GALNT13: variants seen among roughly 807,000 people sequenced by gnomAD.
GALNT13 encodes the protein UDP-GalNAc:polypeptide N-acetylgalactosaminyltransferase 13.
GALNT13 carries 28 observed loss-of-function variants against 64.2 expected under a neutral mutation model. The ratio of observed to expected loss-of-function variants is 0.44; its 90% CI spans 0.32 to 0.60. The LOEUF is 0.60. Among genes scored for constraint, GALNT13 ranks in the 20% least tolerant of loss-of-function variants. The probability of loss-of-function intolerance (pLI) is 0.05; values close to 1 mark genes in which losing one functional copy is unlikely to be tolerated. For missense variants in GALNT13, 577 were observed against 669.8 expected (o/e 0.86, Z 1.53); for synonymous variants, 214 against 224.6 (o/e 0.95, Z 0.42).
At chr2:153,561,998 G>GTC in the GALNT13 span, among the ~76,000 whole-genome samples, 1 of 145,966 alleles carries the variant, frequency 6.9e-6, no homozygotes, top group African/African-American at 2.6e-5. Context: ...TCACACTTTT[G>GTC]CCCCTTTTCT....
chr2:154,397,224 A>G lies in GALNT13; in HGVS notation c.1296+1094A>G, dbSNP rs62172330. Among the ~76,000 whole-genome samples, 573 of 151,852 alleles carry G rather than the reference A, an allele frequency of 3.8e-3. 2 individuals carry two copies. Among genetic ancestry groups the G allele is most frequent in the Non-Finnish European group, 6.1e-3 (415 of 67,912 alleles). On this transcript the variant is annotated intron_variant, in intron 10 of 12. Transcript: ENST00000392825. Reference sequence around the variant, plus strand: ...GCCAAGGCAGGCGGATCATGAGGCCAGGAGATCGACACCATCCTGGCTAAC... The same window carrying G: ...GCCAAGGCAGGCGGATCATGAGGCCGGGAGATCGACACCATCCTGGCTAAC...
intron 9 of GALNT13, among the ~76,000 whole-genome samples, chr2:154,319,979 CA>C (rs1451586038): frequency 2.0e-5 from 3 of 151,992 alleles, no homozygotes; most frequent in African/African-American, 7.2e-5. Context: ...CATATATATA[CA>C]TATCCCTATA....
the GALNT13 span, among the ~76,000 whole-genome samples, chr2:153,253,220 C>G: frequency 4.7e-5 from 7 of 149,478 alleles, no homozygotes; most frequent in African/African-American, 7.4e-5. Context: ...ATTTTATTCT[C>G]TTTGAAGCAA....
the GALNT13 span, among the ~76,000 whole-genome samples, chr2:153,734,553 A>G: frequency 6.6e-6 from 1 of 152,164 alleles, no homozygotes; most frequent in South Asian, 2.1e-4. Flanking sequence ...ATGCATTTAT[A>G]TTAGATTGGT....
chr2:153,356,796 T>C, the GALNT13 span, among the ~76,000 whole-genome samples: 2 of 131,596 alleles, frequency 1.5e-5, no homozygotes, highest in African/African-American at 2.9e-5. Context: ...CCTCTTTTTT[T>C]TTTTTTTTTT....
At chr2:153,237,401 A>G in the GALNT13 span, among the ~76,000 whole-genome samples, 1 of 151,892 alleles carries the variant, frequency 6.6e-6, no homozygotes, top group Admixed American at 6.6e-5. Context: ...GTTGCCTGTA[A>G]TCACCTATTA....
chr2:153,751,365 T>G, the GALNT13 span, among the ~76,000 whole-genome samples: 6 of 148,340 alleles, frequency 4.0e-5, no homozygotes, highest in East Asian at 7.9e-4. Flanking sequence ...TTTTGTTTTG[T>G]TTTTTTTTTC....
At chr2:153,553,360 G>A in the GALNT13 span, among the ~76,000 whole-genome samples, 1 of 145,992 alleles carries the variant, frequency 6.8e-6, no homozygotes, top group Non-Finnish European at 1.5e-5. Flanking sequence ...GCTGAGTGTG[G>A]TGGCCTGTGC....
the GALNT13 span, among the ~76,000 whole-genome samples, chr2:153,469,818 A>G: frequency 2.6e-5 from 4 of 152,078 alleles, no homozygotes; most frequent in African/African-American, 7.2e-5. Flanking sequence ...CATTTCATAT[A>G]AAATCAATAT....
chr2:153,305,180 T>C, the GALNT13 span, among the ~76,000 whole-genome samples: 1 of 152,108 alleles, frequency 6.6e-6, no homozygotes, highest in African/African-American at 2.4e-5. Context: ...TGTGGTGTCC[T>C]GTGGGTTTGC....
At chr2:153,857,346 T>G in the GALNT13 span, among the ~76,000 whole-genome samples, 1 of 152,184 alleles carries the variant, frequency 6.6e-6, no homozygotes, top group Admixed American at 6.5e-5. Flanking sequence ...TGTGAACTTT[T>G]CTCTATTTAT....
At chr2:153,368,638 GTATATTCCTAACACCAGAGCTTC>G in the GALNT13 span, among the ~76,000 whole-genome samples, 1 of 152,134 alleles carries the variant, frequency 6.6e-6, no homozygotes, top group African/African-American at 2.4e-5. Flanking sequence ...GTTTTAATGT[GTATATTCCTAACACCAGAGCTTC>G]TAAATACATA....
At chr2:154,225,160 T>TAGATGACA (rs1553499132) in intron 4 of GALNT13, among the ~76,000 whole-genome samples, 3 of 137,904 alleles carry the variant, frequency 2.2e-5, no homozygotes, top group Non-Finnish European at 4.7e-5. Flanking sequence ...GATAGATAGA[T>TAGATGACA]GATAGATAGA....
chr2:153,707,857 A>G, the GALNT13 span, among the ~76,000 whole-genome samples: 9 of 152,170 alleles, frequency 5.9e-5, no homozygotes, highest in African/African-American at 1.7e-4. Context: ...GAGGTTATTG[A>G]TCTGAGTGTA....
the GALNT13 span, among the ~76,000 whole-genome samples, chr2:153,418,897 G>C: frequency 6.6e-6 from 1 of 152,228 alleles, no homozygotes; most frequent in East Asian, 1.9e-4. Context: ...AAGGGAGAGT[G>C]GAAGGAAGGA....
chr2:154,200,058 T>C (rs1687090478), intron 4 of GALNT13, among the ~76,000 whole-genome samples: 1 of 152,040 alleles, frequency 6.6e-6, no homozygotes, highest in African/African-American at 2.4e-5. Context: ...TATTTATTTT[T>C]TGTGAGGGAT....
At chr2:153,793,153 T>C in the GALNT13 span, among the ~76,000 whole-genome samples, 1 of 151,988 alleles carries the variant, frequency 6.6e-6, no homozygotes, top group Non-Finnish European at 1.5e-5. Flanking sequence ...TTTGTATTTT[T>C]AGTAGAGACG....
At chr2:153,912,488 T>A (rs956830581) in intron 2 of GALNT13, among the ~76,000 whole-genome samples, 1 of 152,208 alleles carries the variant, frequency 6.6e-6, no homozygotes, top group Non-Finnish European at 1.5e-5. Context: ...CTCTTGCTTT[T>A]TTTGAGCTGT....
At chr2:153,281,320 GTT>G in the GALNT13 span, among the ~76,000 whole-genome samples, 4 of 148,694 alleles carry the variant, frequency 2.7e-5, no homozygotes, top group Admixed American at 6.7e-5. Flanking sequence ...TGAGCCTTGC[GTT>G]TTTTTTTTTA....
Sources: allele counts gnomAD v4.1 joint callset (sites outside exome capture counted in the v4.1 genomes callset), GRCh38; gene constraint gnomAD v4.1.1; transcripts MANE v1.5; gene names NCBI Gene and HGNC (gene_info 2026-07-23, HGNC 2026-07-21).